Variants in DDX10 observed in about 807,000 individuals in gnomAD.
The protein encoded by DDX10 is probable ATP-dependent RNA helicase DDX10.
Under a neutral mutation model 104.3 loss-of-function variants are expected in DDX10, and 74 were observed. That is an observed-to-expected ratio of 0.71 (90% CI 0.59 to 0.86). The LOEUF (loss-of-function observed/expected upper bound fraction) is 0.86. Ranked by LOEUF, DDX10 falls within the 40% of genes least tolerant of loss-of-function variation. DDX10 has a pLI of 0.00. For missense variants in DDX10, 952 were observed against 1,040.0 expected (o/e 0.92, Z 1.16); for synonymous variants, 351 against 353.4 (o/e 0.99, Z 0.08).
At chr11:108,820,536 G>A (rs551125889) in intron 13 of DDX10, among the ~76,000 whole-genome samples, 1 of 152,280 alleles carries the variant, frequency 6.6e-6, no homozygotes, top group Admixed American at 6.5e-5. Context: ...CCGGTCAAAT[G>A]TATCAGTGTG....
intron 13 of DDX10, among the ~76,000 whole-genome samples, chr11:108,732,660 G>A (rs1289105904): frequency 6.6e-6 from 1 of 152,118 alleles, no homozygotes; most frequent in Non-Finnish European, 1.5e-5. Context: ...GAGTGATGAA[G>A]CAATAAGACA....
chr11:108,794,486 C>G (rs10789681), intron 13 of DDX10, among the ~76,000 whole-genome samples: 69,630 of 151,742 alleles, frequency 0.46, 19,227 homozygotes, highest in Non-Finnish European at 0.61. Context: ...CTCAGTGTTA[C>G]ATAGGATGTT....
At chr11:108,672,056 A>G (rs10890878) in intron 1 of DDX10, among the ~76,000 whole-genome samples, 16,259 of 115,902 alleles carry the variant, frequency 0.14, 1,346 homozygotes, top group East Asian at 0.29. Context: ...GCGAGACTCC[A>G]TCTCGGAAAA....
intron 13 of DDX10, among the ~76,000 whole-genome samples, chr11:108,756,154 G>A (rs1436950822): frequency 6.6e-6 from 1 of 151,998 alleles, no homozygotes; most frequent in Non-Finnish European, 1.5e-5. Flanking sequence ...TGAAACCATA[G>A]GAATGTTAGT....
chr11:108,719,127 C>T (rs1021647864), intron 11 of DDX10, among the ~76,000 whole-genome samples: 2 of 94,254 alleles, frequency 2.1e-5, no homozygotes, highest in Admixed American at 1.2e-4. Flanking sequence ...TTTTTTTTAA[C>T]AGAAACAAAA....
In DDX10 at chr11:108,858,972, A is replaced by G. The variant is rs573038483; in HGVS notation, c.2304+6763A>G. On this transcript the variant is annotated intron_variant, in intron 16 of 17. Coordinates refer to ENST00000322536, the MANE Select transcript of DDX10 (RefSeq NM_004398.4). Reference sequence around the variant, plus strand: ...CTTGCTCATAAATATTTGTTGATTGACCAAAAAAGTGGATCCTGCTAAAAT... The same window carrying G: ...CTTGCTCATAAATATTTGTTGATTGGCCAAAAAAGTGGATCCTGCTAAAAT... Among the ~76,000 whole-genome samples, 10 of 152,292 alleles carry G rather than the reference A, an allele frequency of 6.6e-5. No individual in the cohort carries two copies. The South Asian group carries it at 2.1e-3, about 32-fold the overall frequency.
chr11:108,860,316 C>T (rs1050501774), intron 16 of DDX10, among the ~76,000 whole-genome samples: 1 of 152,048 alleles, frequency 6.6e-6, no homozygotes, highest in Non-Finnish European at 1.5e-5. Flanking sequence ...ATTCAGAGTA[C>T]TTTTTTGTCT....
chr11:108,837,607 CTTTTTTTTT>C (rs142381520), intron 13 of DDX10, among the ~76,000 whole-genome samples: 69 of 34,732 alleles, frequency 2.0e-3, no homozygotes, highest in South Asian at 5.3e-3. Flanking sequence ...TTGGATACAG[CTTTTTTTTT>C]TTTTTTTTTT....
At chr11:108,840,461 GTTAGAC>G (rs1164099767) in intron 14 of DDX10, among the ~76,000 whole-genome samples, 1 of 152,168 alleles carries the variant, frequency 6.6e-6, no homozygotes, top group African/African-American at 2.4e-5. Context: ...GTTTTGTGGT[GTTAGAC>G]TTAGAAATTA....
intron 13 of DDX10, among the ~76,000 whole-genome samples, chr11:108,779,998 G>A (rs1045615135): frequency 6.6e-6 from 1 of 152,132 alleles, no homozygotes; most frequent in Non-Finnish European, 1.5e-5. Flanking sequence ...ACCTATTTTA[G>A]CCTCATTTTC....
chr11:108,716,360 G>A (rs1305446053), intron 11 of DDX10, among the ~76,000 whole-genome samples: 2 of 152,064 alleles, frequency 1.3e-5, no homozygotes, highest in African/African-American at 4.8e-5. Context: ...GCCTCCAAAA[G>A]TTCTGGGATT....
chr11:108,872,367 T>C (rs1268649817), intron 16 of DDX10, among the ~76,000 whole-genome samples: 1 of 152,246 alleles, frequency 6.6e-6, no homozygotes, highest in African/African-American at 2.4e-5. Context: ...TGTTTGGCTA[T>C]TTCAGAGAAA....
intron 13 of DDX10, among the ~76,000 whole-genome samples, chr11:108,831,411 G>A (rs534122542): frequency 7.1e-5 from 8 of 112,034 alleles, no homozygotes; most frequent in South Asian, 6.6e-4. Context: ...GTGACAGAGC[G>A]AGACTGTCTC....
chr11:108,894,276 C>T (rs553705173), intron 16 of DDX10, among the ~76,000 whole-genome samples: 1 of 152,044 alleles, frequency 6.6e-6, no homozygotes, highest in Admixed American at 6.5e-5. Context: ...ATTGAAATAC[C>T]TTTATGCATT....
At chr11:108,894,020 G>C (rs1863409384) in intron 16 of DDX10, among the ~76,000 whole-genome samples, 1 of 152,030 alleles carries the variant, frequency 6.6e-6, no homozygotes, top group African/African-American at 2.4e-5. Flanking sequence ...ACTTGTAAAT[G>C]ACTGCAGCAA....
At chr11:108,777,003 C>G (rs2134533852) in intron 13 of DDX10, among the ~76,000 whole-genome samples, 1 of 152,272 alleles carries the variant, frequency 6.6e-6, no homozygotes, top group South Asian at 2.1e-4. Flanking sequence ...CCATGCTGTG[C>G]CAGCTTTCTG....
At chr11:108,716,459 A>G (rs1312200239) in intron 11 of DDX10, among the ~76,000 whole-genome samples, 1 of 152,158 alleles carries the variant, frequency 6.6e-6, no homozygotes, top group Non-Finnish European at 1.5e-5. Flanking sequence ...GGGAAAAATC[A>G]TCGTAAGTTT....
At chr11:108,839,101 G>T (rs1450792577) in intron 14 of DDX10, among the ~76,000 whole-genome samples, 1 of 152,176 alleles carries the variant, frequency 6.6e-6, no homozygotes, top group African/African-American at 2.4e-5. Flanking sequence ...ATAGGGAAGG[G>T]ATTACCACTC....
chr11:108,750,955 T>G, intron 13 of DDX10, among the ~76,000 whole-genome samples: 1 of 131,074 alleles, frequency 7.6e-6, no homozygotes, highest in East Asian at 2.1e-4. Context: ...TTTTTTTTTT[T>G]TTTTTTTTTA....
Sources: allele counts gnomAD v4.1 joint callset (sites outside exome capture counted in the v4.1 genomes callset), GRCh38; gene constraint gnomAD v4.1.1; transcripts MANE v1.5; gene names NCBI Gene and HGNC (gene_info 2026-07-23, HGNC 2026-07-21).